Variants in ARID2 observed in about 807,000 individuals in gnomAD.
The protein encoded by ARID2 is AT-rich interactive domain-containing protein 2.
Under a neutral mutation model 184.6 loss-of-function variants are expected in ARID2, and 32 were observed. That is an observed-to-expected ratio of 0.17 (90% confidence interval 0.13 to 0.23). ARID2 has a LOEUF of 0.23. Among genes scored for constraint, ARID2 ranks in the 10% least tolerant of loss-of-function variants. The pLI, the probability that ARID2 is intolerant of heterozygous loss-of-function variation, is 1.00. For missense variants in ARID2, 1,696 were observed against 2,197.6 expected (o/e 0.77, Z 4.56); for synonymous variants, 836 against 772.6 (o/e 1.08, Z -1.36).
At chr12:45,829,053 A>G (rs1482614423) in intron 6 of ARID2, among the ~76,000 whole-genome samples, 1 of 152,018 alleles carries the variant, frequency 6.6e-6, no homozygotes, top group African/African-American at 2.4e-5. Context: ...ACTTAGATCT[A>G]TAATTTTTAT....
intron 4 of ARID2, among the ~76,000 whole-genome samples, chr12:45,811,989 A>AT (rs992112046): frequency 2.4e-4 from 36 of 151,160 alleles, no homozygotes; most frequent in Admixed American, 3.3e-4. Context: ...TAGCAGGAAG[A>AT]TTTTTTTTTC....
chr12:45,818,038 T>C (rs1435276903), intron 5 of ARID2, 150 bp downstream of exon 5: 1 of 588,652 alleles, frequency 1.7e-6, no homozygotes, highest in Non-Finnish European at 2.7e-6. Flanking sequence ...AATGAATGTT[T>C]GGGGGGTTTT....
intron 15 of ARID2, among the ~76,000 whole-genome samples, chr12:45,857,741 A>ATC (rs140411335): frequency 1.3e-5 from 2 of 151,142 alleles, no homozygotes; most frequent in African/African-American, 4.9e-5. Flanking sequence ...AGCTAAATGC[A>ATC]TCTCTCTCTC....
At chr12:45,796,475 G>A (rs977170536) in intron 3 of ARID2, among the ~76,000 whole-genome samples, 14 of 151,680 alleles carry the variant, frequency 9.2e-5, no homozygotes, top group African/African-American at 3.2e-4. Flanking sequence ...CTATAACGAT[G>A]TCTTTGAATG....
intron 3 of ARID2, among the ~76,000 whole-genome samples, chr12:45,799,562 T>A (rs978740471): frequency 2.0e-5 from 3 of 152,158 alleles, no homozygotes; most frequent in Non-Finnish European, 2.9e-5. Flanking sequence ...GTAGAAATAA[T>A]GCAACTATAA....
chr12:45,781,046 C>A (rs1942079511), intron 3 of ARID2, among the ~76,000 whole-genome samples: 1 of 151,964 alleles, frequency 6.6e-6, no homozygotes, highest in Non-Finnish European at 1.5e-5. Context: ...CTCACTAAAT[C>A]CCCCACTCCC....
intron 3 of ARID2, among the ~76,000 whole-genome samples, chr12:45,771,694 A>C: frequency 6.8e-6 from 1 of 147,406 alleles, no homozygotes; most frequent in South Asian, 2.4e-4. Context: ...GTGTAAAACT[A>C]TATATATATA....
intron 20 of ARID2, among the ~76,000 whole-genome samples, chr12:45,900,226 A>G (rs1944440797): frequency 6.6e-6 from 1 of 151,880 alleles, no homozygotes; most frequent in Non-Finnish European, 1.5e-5. Flanking sequence ...ACGCCTGGCT[A>G]ATTTTTTTAT....
At chr12:45,740,682 A>G (rs879357283) in intron 3 of ARID2, among the ~76,000 whole-genome samples, 9 of 152,186 alleles carry the variant, frequency 5.9e-5, no homozygotes, top group Admixed American at 2.0e-4. Context: ...TCAAATTTTA[A>G]CAGTTGTCCT....
In ARID2 at chr12:45,777,741, G is replaced by C. The variant is rs186791153; in HGVS notation, c.285-33677G>C. On this transcript the variant is annotated intron_variant, in intron 3 of 20. Transcript: ENST00000334344. Reference sequence around the variant, plus strand: ...ATTAGCCTTTCTTAGCGTTGTCGTAGATTATAGGGACTAAGTACAGGGACT... The same window carrying C: ...ATTAGCCTTTCTTAGCGTTGTCGTACATTATAGGGACTAAGTACAGGGACT... Among the ~76,000 whole-genome samples the C allele has an allele frequency of 9.1e-4, 137 of 150,532 alleles. 1 individual carries two copies. The highest frequency in any genetic ancestry group is 3.2e-3 in the African/African-American group (131 of 41,274).
chr12:45,852,056 A>G lies in ARID2; in HGVS notation c.3933A>G (p.Lys1311=), dbSNP rs967687812. Residue 1311 remains lysine, a synonymous_variant, in exon 15 of 21, where the codon AAA becomes AAG. Coordinates refer to ENST00000334344, the MANE Select transcript of ARID2 (RefSeq NM_152641.4). ...GTCTACCTCCTTCAAACTCAGGGAA[A>G]ATTCAAAGTGAGACTAATCAGTGCT... ...DSSLPPSNSG[K]IQSETNQCSL... 14 of 1,614,008 alleles carry G rather than the reference A, an allele frequency of 8.7e-6. No individual in the cohort carries two copies. The highest frequency in any genetic ancestry group is 2.2e-5 in the East Asian group (1 of 44,854).
At chr12:45,832,820 C>T (rs1414819960) in intron 6 of ARID2, among the ~76,000 whole-genome samples, 4 of 152,302 alleles carry the variant, frequency 2.6e-5, no homozygotes, top group South Asian at 4.1e-4. Context: ...ATTTACTTCA[C>T]GTTACACTGT....
chr12:45,801,129 G>GGT (rs923497778), intron 3 of ARID2, among the ~76,000 whole-genome samples: 1 of 152,050 alleles, frequency 6.6e-6, no homozygotes, highest in African/African-American at 2.4e-5. Flanking sequence ...TGGCTAACAT[G>GGT]GTGAAACCTC....
rs565663454 is a variant in ARID2 at position 45,849,945 on chromosome 12, C to G, written c.1913-91C>G. On this transcript the variant is annotated intron_variant, in intron 14 of 20. Coordinates refer to ENST00000334344, the MANE Select transcript of ARID2 (RefSeq NM_152641.4). ...ATTCAAAATTGTTAGATGTTAATTT[C>G]TTAAAACTATTTTCTCTTAAGTAAA... The G allele has an allele frequency of 1.1e-5, 17 of 1,479,352 alleles. No individual in the cohort carries two copies. The African/African-American group carries it at 1.6e-4, about 14-fold the overall frequency. 91.6% of individuals were successfully genotyped at this position (1,479,352 alleles called of 1,614,324 possible). A position where few individuals can be genotyped will look rare whatever the true frequency, so the allele number is the denominator to read the frequency against.
At chr12:45,783,622 C>G (rs963318269) in intron 3 of ARID2, among the ~76,000 whole-genome samples, 1 of 152,186 alleles carries the variant, frequency 6.6e-6, no homozygotes, top group Admixed American at 6.5e-5. Context: ...GAACCTAAAT[C>G]TTTTGCATGC....
intron 5 of ARID2, 122 bp from the exon 6 acceptor site, chr12:45,821,298 T>G (rs1305730344): frequency 2.0e-6 from 1 of 496,532 alleles, no homozygotes; most frequent in Non-Finnish European, 3.4e-6. Context: ...ATAAAATAAT[T>G]TTTAGTACAC....
chr12:45,750,544 A>AGCACAATAAAATGAG (rs1941444097), intron 3 of ARID2, among the ~76,000 whole-genome samples: 1 of 152,204 alleles, frequency 6.6e-6, no homozygotes, highest in African/African-American at 2.4e-5. Context: ...ATATCTGGAA[A>AGCACAATAAAATGAG]GCACAATAAA....
intron 16 of ARID2, among the ~76,000 whole-genome samples, chr12:45,875,070 CGGAGATGTACCACT>C (rs1344260059): frequency 6.6e-6 from 1 of 152,120 alleles, no homozygotes; most frequent in Non-Finnish European, 1.5e-5. Context: ...TTGCAGTGAG[CGGAGATGTACCACT>C]ACACTCCATC....
Position 45,893,613 on chromosome 12 carries a change from T to G in ARID2, c.5272-17T>G. ...TATGATTTAGATCTTTATTCTTTTT[T>G]TTCCTTTCTTTTTAAGGATGAAAAA... On this transcript the variant is annotated splice_polypyrimidine_tract_variant and intron_variant, in intron 19 of 20. Transcript: ENST00000334344. 6.2e-7 allele frequency: 1 copy of G among 1,603,140 alleles called. No homozygotes were observed. The highest frequency in any genetic ancestry group is 8.5e-7 in the Non-Finnish European group (1 of 1,177,330).
Sources: gnomAD v4.1 joint callset for allele counts (sites outside exome capture counted in the v4.1 genomes callset) on GRCh38, gnomAD v4.1.1 for gene constraint, MANE v1.5 for transcripts, NCBI Gene and HGNC (gene_info 2026-07-23, HGNC 2026-07-21) for gene names.